The following ARHGEF10 variants were observed in gnomAD, a reference collection of about 807,000 sequenced individuals.
The protein encoded by ARHGEF10 is Rho guanine nucleotide exchange factor 10, also known as Rho guanine nucleotide exchange factor (GEF) 10.
Under a neutral mutation model 147.4 loss-of-function variants are expected in ARHGEF10, and 140 were observed. The observed-to-expected ratio is 0.95, with a 90% CI of 0.83 to 1.09. ARHGEF10 has a LOEUF of 1.09. ARHGEF10 is among the 50% of genes least tolerant of loss of function. The probability of loss-of-function intolerance (pLI) is 0.00; values close to 1 mark genes in which losing one functional copy is unlikely to be tolerated. For missense variants in ARHGEF10, 2,222 were observed against 1,752.7 expected, an observed-to-expected ratio of 1.27 and a Z score of -4.78; for synonymous variants, 902 against 695.8, an observed-to-expected ratio of 1.30 and a Z score of -4.67.
At chr8:1,839,642 G>A (rs920195912) in intron 1 of ARHGEF10, among the ~76,000 whole-genome samples, 2 of 141,372 alleles carry the variant, frequency 1.4e-5, no homozygotes, top group South Asian at 2.4e-4. Context: ...GTCTGGTGTG[G>A]GGACTGTCCG....
At chr8:1,853,634 C>T (rs547541214) in intron 2 of ARHGEF10, among the ~76,000 whole-genome samples, 146 of 152,356 alleles carry the variant, frequency 9.6e-4, no homozygotes, top group African/African-American at 3.4e-3. Flanking sequence ...TGGCTCCCGC[C>T]AGGGCCCTGA....
intron 27 of ARHGEF10, among the ~76,000 whole-genome samples, chr8:1,949,450 TGAGTTCA>T (rs1468032863): frequency 6.6e-6 from 1 of 152,062 alleles, no homozygotes; most frequent in African/African-American, 2.4e-5. Flanking sequence ...TTACAGCGAG[TGAGTTCA>T]CGGCGCCTCA....
chr8:1,893,915 T>C (rs1809754147), intron 12 of ARHGEF10, among the ~76,000 whole-genome samples: 1 of 152,158 alleles, frequency 6.6e-6, no homozygotes, highest in Admixed American at 6.5e-5. Context: ...GGCTCACCCC[T>C]GTAATCCTAG....
In ARHGEF10 at chr8:1,925,285, G is replaced by A. The variant is rs1319245033; in HGVS notation, c.2491G>A (p.Glu831Lys). ...TTTCTCTCTGAATATAATTGCAGAA[G>A]AGGAGAACCACATGGGCTGGTTCTG... is the stretch of plus-strand genomic sequence containing the variant. The part of the protein sequence containing the change: ...SLQMAKLALE[E>K]ENHMGWFCVE... The change falls in exon 22 of 29, where the codon GAG (glutamate) becomes AAG (lysine). Residue 831 changes from glutamate (E) to lysine (K), a missense_variant and splice_region_variant. Glu to Lys is a moderately conservative substitution (Grantham distance 56, BLOSUM62 1). Transcript: ENST00000349830. 1 of 1,614,204 alleles carries A rather than the reference G, an allele frequency of 6.2e-7. No individual in the cohort carries two copies. Among genetic ancestry groups the A allele is most frequent in the East Asian group, 2.2e-5 (1 of 44,882 alleles).
At chr8:1,911,912 G>A (rs994604188) in intron 18 of ARHGEF10, among the ~76,000 whole-genome samples, 2 of 152,120 alleles carry the variant, frequency 1.3e-5, no homozygotes, top group Non-Finnish European at 2.9e-5. Context: ...TGTTTCTTCC[G>A]GTTCTCTTGG....
chr8:1,866,430 C>G (rs1044684530), intron 5 of ARHGEF10, 96 bp from the exon 6 acceptor site: 3 of 852,566 alleles, frequency 3.5e-6, no homozygotes, highest in Admixed American at 1.9e-5. Context: ...CTGACACACA[C>G]ACACACACAC....
At chr8:1,930,239 C>G (rs1303743839) in intron 25 of ARHGEF10, among the ~76,000 whole-genome samples, 1 of 152,088 alleles carries the variant, frequency 6.6e-6, no homozygotes, top group East Asian at 1.9e-4. Flanking sequence ...GAAAGTTGCC[C>G]TGCACCACCC....
At chr8:1,932,890 G>T (rs1168563221) in intron 25 of ARHGEF10, among the ~76,000 whole-genome samples, 1 of 152,184 alleles carries the variant, frequency 6.6e-6, no homozygotes, top group African/African-American at 2.4e-5. Flanking sequence ...GGCATTGATG[G>T]ATTAATAATT....
Position 1,952,970 on chromosome 8 carries a change from A to G in ARHGEF10, c.3520+143A>G, listed in dbSNP as rs1266736887. ...TTTTTCAGTGTATTATAATGACTTA[A>G]TAGACTGTTTAATTGGAATTATCAA... is the stretch of plus-strand genomic sequence containing the variant. On this transcript the variant is annotated intron_variant, in intron 28 of 28. Coordinates refer to ENST00000349830, the MANE Select transcript of ARHGEF10 (RefSeq NM_014629.4). 13 of 1,217,360 alleles carry G rather than the reference A, an allele frequency of 1.1e-5. No individual in the cohort carries two copies. In the African/African-American group the frequency reaches 1.2e-4, roughly 11 times the overall value. 75.4% of individuals were successfully genotyped at this position (1,217,360 alleles called of 1,614,324 possible).
intron 15 of ARHGEF10, among the ~76,000 whole-genome samples, chr8:1,902,410 G>C (rs1271852820): frequency 2.0e-5 from 3 of 152,142 alleles, no homozygotes; most frequent in Non-Finnish European, 2.9e-5. Flanking sequence ...TTTTTTGCTG[G>C]CTGTTGTTGT....
At chr8:1,855,758 A>G (rs968782435) in intron 2 of ARHGEF10, among the ~76,000 whole-genome samples, 6 of 152,076 alleles carry the variant, frequency 3.9e-5, no homozygotes, top group Admixed American at 3.3e-4. Flanking sequence ...CAGCACGTTT[A>G]TTTGGCAAAC....
chr8:1,888,178 TGGG>T, intron 11 of ARHGEF10, among the ~76,000 whole-genome samples: 2 of 55,214 alleles, frequency 3.6e-5, no homozygotes, highest in South Asian at 4.8e-4. Flanking sequence ...AGACAGTGAG[TGGG>T]GTGAGGGTTT....
rs111701503 is a variant in ARHGEF10 at position 1,932,413 on chromosome 8, G to T, written c.3080-1387G>T. On this transcript the variant is annotated intron_variant, in intron 25 of 28. Transcript: ENST00000349830. ...GTGTGTGTCCCTGTGTGCATGTGAC[G>T]GCAGGTGCACGTACTTGTGGGTGTG... Among the ~76,000 whole-genome samples, 718 of 152,222 alleles carry T rather than the reference G, an allele frequency of 4.7e-3. 6 individuals are homozygous for T. The highest frequency in any genetic ancestry group is 0.017 in the African/African-American group (688 of 41,540).
chr8:1,878,072 G>A (rs149278682), intron 8 of ARHGEF10, among the ~76,000 whole-genome samples: 16 of 152,152 alleles, frequency 1.1e-4, no homozygotes, highest in South Asian at 4.1e-4. Context: ...CTAGATCTTG[G>A]CAGTCAGCTC....
At chr8:1,841,985 A>G (rs1585233681) in intron 1 of ARHGEF10, among the ~76,000 whole-genome samples, 1 of 61,504 alleles carries the variant, frequency 1.6e-5, no homozygotes, top group African/African-American at 6.3e-5. Context: ...CCGCGGCGGG[A>G]ACTGGGGCCG....
At chr8:1,864,523 C>T (rs1300918065) in intron 5 of ARHGEF10, 87 bp downstream of exon 5, 56 of 1,376,244 alleles carry the variant, frequency 4.1e-5, no homozygotes, top group Non-Finnish European at 5.6e-5. Flanking sequence ...GTGTCCCTGC[C>T]CGCCATCCTC....
At chr8:1,829,034 G>C (rs1169975885) in intron 1 of ARHGEF10, among the ~76,000 whole-genome samples, 1 of 152,258 alleles carries the variant, frequency 6.6e-6, no homozygotes, top group Non-Finnish European at 1.5e-5. Context: ...CACGGACGGG[G>C]AGTCCTCGAG....
At chr8:1,952,272 T>C (rs949575953) in intron 27 of ARHGEF10, among the ~76,000 whole-genome samples, 4 of 152,168 alleles carry the variant, frequency 2.6e-5, no homozygotes, top group African/African-American at 7.2e-5. Context: ...CCGCGCCCAT[T>C]AAGAGACCTC....
intron 7 of ARHGEF10, chr8:1,869,940 G>A (rs116162857): frequency 0.013 from 2,072 of 155,108 alleles, 46 homozygotes; most frequent in African/African-American, 0.047. Flanking sequence ...GAGCGGGGGA[G>A]CTTGCTGCCC....
Sources: gnomAD v4.1 joint callset for allele counts (sites outside exome capture counted in the v4.1 genomes callset) on GRCh38, gnomAD v4.1.1 for gene constraint, MANE v1.5 for transcripts, NCBI Gene and HGNC (gene_info 2026-07-23, HGNC 2026-07-21) for gene names.